ARB2A: variants seen among roughly 807,000 people sequenced by gnomAD.
The protein encoded by ARB2A is cotranscriptional regulator ARB2A.
chr5:94,012,622 C>T, the ARB2A span, among the ~76,000 whole-genome samples: 3 of 152,194 alleles, frequency 2.0e-5, no homozygotes, highest in Non-Finnish European at 4.4e-5. Context: ...CTGCCAGGTA[C>T]ATCAGGGAGC....
the ARB2A span, among the ~76,000 whole-genome samples, chr5:93,662,999 G>T: frequency 6.6e-6 from 1 of 152,044 alleles, no homozygotes; most frequent in Non-Finnish European, 1.5e-5. Flanking sequence ...CAGACAAGAG[G>T]GACAAACTCC....
chr5:94,075,541 C>T, the ARB2A span, among the ~76,000 whole-genome samples: 1 of 152,032 alleles, frequency 6.6e-6, no homozygotes, highest in South Asian at 2.1e-4. Flanking sequence ...AGTGTATCTC[C>T]TACAATGTGA....
the ARB2A span, among the ~76,000 whole-genome samples, chr5:93,639,824 A>G: frequency 1.3e-5 from 2 of 151,966 alleles, no homozygotes; most frequent in Non-Finnish European, 2.9e-5. Flanking sequence ...AGGCAGGAGA[A>G]TCACGAGGTC....
the ARB2A span, among the ~76,000 whole-genome samples, chr5:93,709,944 G>C: frequency 1.3e-5 from 2 of 152,142 alleles, no homozygotes; most frequent in African/African-American, 2.4e-5. Flanking sequence ...AATTAAATGA[G>C]TTAATGCATA....
At chr5:93,857,463 G>A in the ARB2A span, among the ~76,000 whole-genome samples, 2 of 152,104 alleles carry the variant, frequency 1.3e-5, no homozygotes, top group Admixed American at 6.6e-5. Flanking sequence ...CGACTGTTTT[G>A]TTTACCTAAG....
At chr5:93,805,640 A>G in the ARB2A span, 11 of 985,190 alleles carry the variant, frequency 1.1e-5, no homozygotes, top group African/African-American at 1.7e-5. Context: ...ATTTGGGTCC[A>G]TACAAGAAGC....
At chr5:94,094,500 CAAT>C in the ARB2A span, among the ~76,000 whole-genome samples, 1 of 152,178 alleles carries the variant, frequency 6.6e-6, no homozygotes, top group Non-Finnish European at 1.5e-5. Flanking sequence ...ATAATTCAGT[CAAT>C]AGCAATTAGA....
the ARB2A span, among the ~76,000 whole-genome samples, chr5:93,835,131 T>C: frequency 6.6e-6 from 1 of 152,224 alleles, no homozygotes. Context: ...AATTTCCTAA[T>C]GTACTCTTGC....
At chr5:94,076,487 T>C in the ARB2A span, among the ~76,000 whole-genome samples, 1 of 152,138 alleles carries the variant, frequency 6.6e-6, no homozygotes, top group Non-Finnish European at 1.5e-5. Flanking sequence ...ACAAATATGG[T>C]CACTGCCCTC....
At chr5:93,811,396 T>C in the ARB2A span, among the ~76,000 whole-genome samples, 1 of 152,060 alleles carries the variant, frequency 6.6e-6, no homozygotes, top group African/African-American at 2.4e-5. Context: ...GTTTGAGTAA[T>C]GAAAAATCGA....
chr5:93,717,307 T>C, the ARB2A span, among the ~76,000 whole-genome samples: 1 of 152,046 alleles, frequency 6.6e-6, no homozygotes, highest in Non-Finnish European at 1.5e-5. Context: ...GAGGTAGGAG[T>C]GGTCATGACC....
the ARB2A span, chr5:93,618,081 T>G: frequency 6.6e-6 from 1 of 151,982 alleles, no homozygotes; most frequent in Non-Finnish European, 1.5e-5. Context: ...GTTGGGAAAA[T>G]TGTTTTTATT....
the ARB2A span, among the ~76,000 whole-genome samples, chr5:93,907,184 T>A: frequency 6.6e-6 from 1 of 151,316 alleles, no homozygotes; most frequent in Admixed American, 6.6e-5. Flanking sequence ...GGGTCTTCTG[T>A]ATAAGTCCCT....
At chr5:94,040,558 G>A in the ARB2A span, among the ~76,000 whole-genome samples, 4 of 127,444 alleles carry the variant, frequency 3.1e-5, no homozygotes, top group African/African-American at 9.1e-5. Context: ...CTGTGTCCAC[G>A]TGTTCTCATT....
At chr5:94,009,705 A>T in the ARB2A span, among the ~76,000 whole-genome samples, 1 of 152,074 alleles carries the variant, frequency 6.6e-6, no homozygotes, top group Non-Finnish European at 1.5e-5. Flanking sequence ...AAGCATTTTT[A>T]AAATAAATAT....
the ARB2A span, among the ~76,000 whole-genome samples, chr5:93,724,988 G>A: frequency 6.6e-6 from 1 of 152,172 alleles, no homozygotes; most frequent in African/African-American, 2.4e-5. Flanking sequence ...TATATGGAGT[G>A]AATATGCTGG....
the ARB2A span, chr5:93,861,383 T>C: frequency 6.6e-6 from 1 of 151,194 alleles, no homozygotes; most frequent in African/African-American, 2.4e-5. Context: ...CCACGAAACT[T>C]GCCCTGGATT....
At chr5:93,842,588 G>T in the ARB2A span, among the ~76,000 whole-genome samples, 1 of 152,134 alleles carries the variant, frequency 6.6e-6, no homozygotes, top group African/African-American at 2.4e-5. Context: ...TTTTGGAAGA[G>T]AGAGCAGATA....
chr5:94,069,158 T>G, the ARB2A span, among the ~76,000 whole-genome samples: 2 of 152,154 alleles, frequency 1.3e-5, no homozygotes, highest in African/African-American at 2.4e-5. Flanking sequence ...CAACTGATTT[T>G]CAACAAAGGC....
Sources: allele counts gnomAD v4.1 joint callset (sites outside exome capture counted in the v4.1 genomes callset), GRCh38; gene constraint gnomAD v4.1.1; transcripts MANE v1.5; gene names NCBI Gene and HGNC (gene_info 2026-07-23, HGNC 2026-07-21).